Variants in SPATS2 observed in about 807,000 individuals in gnomAD.
SPATS2 encodes the protein spermatogenesis-associated serine-rich protein 2.
Under a neutral mutation model 63.7 loss-of-function variants are expected in SPATS2, and 38 were observed. The observed-to-expected ratio is 0.60, with a 90% CI of 0.46 to 0.78. The LOEUF (loss-of-function observed/expected upper bound fraction) is 0.78, where lower values mean the gene tolerates loss of function less well. SPATS2 is among the 30% of genes least tolerant of loss of function. The pLI is 0.00. For synonymous variants in SPATS2, 207 were observed against 232.9 expected (o/e 0.89, Z 1.01); for missense variants, 588 against 666.2 (o/e 0.88, Z 1.29).
chr12:49,410,923 C>CTGACACTTT (rs1944787301), intron 2 of SPATS2, among the ~76,000 whole-genome samples: 1 of 150,538 alleles, frequency 6.6e-6, no homozygotes, highest in African/African-American at 2.4e-5. Flanking sequence ...TAGTGTGTTC[C>CTGACACTTT]TGACACTTTT....
At chr12:49,405,821 A>G (rs927461104) in intron 2 of SPATS2, among the ~76,000 whole-genome samples, 17 of 152,236 alleles carry the variant, frequency 1.1e-4, no homozygotes, top group Admixed American at 1.0e-3. Flanking sequence ...ACTTTCGTGT[A>G]TATAATTTCA....
At chr12:49,499,336 T>A (rs1210909218) in intron 8 of SPATS2, among the ~76,000 whole-genome samples, 1 of 152,200 alleles carries the variant, frequency 6.6e-6, no homozygotes, top group African/African-American at 2.4e-5. Flanking sequence ...CCACTCTGGC[T>A]GGTGTGAGCA....
intron 2 of SPATS2, among the ~76,000 whole-genome samples, chr12:49,458,019 C>G (rs1462683209): frequency 6.6e-6 from 1 of 152,056 alleles, no homozygotes; most frequent in East Asian, 1.9e-4. Flanking sequence ...TTAAAACTTT[C>G]GCAGAATTAC....
At chr12:49,472,176 A>T (rs1044130123) in intron 3 of SPATS2, among the ~76,000 whole-genome samples, 1 of 152,090 alleles carries the variant, frequency 6.6e-6, no homozygotes, top group Non-Finnish European at 1.5e-5. Flanking sequence ...ATTATTGAAA[A>T]GTTTAAAATT....
rs1944627311 is a variant in SPATS2 at position 49,402,697 on chromosome 12, T to C, written c.-244+31407T>C. On this transcript the variant is annotated intron_variant, in intron 2 of 13. Transcript: ENST00000552918. Reference sequence around the variant, plus strand: ...TCTTCAAGGCTTAAGGCTTGAGAAGTGACCTAGGCATATCAGATGAATGTA... The same window carrying C: ...TCTTCAAGGCTTAAGGCTTGAGAAGCGACCTAGGCATATCAGATGAATGTA... 2.6e-5 allele frequency among the ~76,000 whole-genome samples: 4 copies of C among 152,068 alleles called. No homozygotes were observed. The South Asian group carries it at 8.3e-4, about 31-fold the overall frequency.
intron 2 of SPATS2, among the ~76,000 whole-genome samples, chr12:49,440,062 T>C (rs1945389487): frequency 6.6e-6 from 1 of 152,252 alleles, no homozygotes; most frequent in East Asian, 1.9e-4. Context: ...CTCTCTGATA[T>C]GCTTTCTTTA....
At chr12:49,520,510 A>G (rs1946923258) in intron 11 of SPATS2, among the ~76,000 whole-genome samples, 1 of 152,054 alleles carries the variant, frequency 6.6e-6, no homozygotes, top group South Asian at 2.1e-4. Flanking sequence ...CTTTATGTGC[A>G]TTGGTTACTT....
intron 8 of SPATS2, among the ~76,000 whole-genome samples, chr12:49,498,071 C>G (rs1415431021): frequency 1.4e-5 from 2 of 146,406 alleles, no homozygotes; most frequent in African/African-American, 5.1e-5. Context: ...TCCCCTTTTT[C>G]ATTGTTCTGG....
Position 49,500,093 on chromosome 12 carries a change from A to G in SPATS2, c.727A>G (p.Lys243Glu). 6.7e-7 allele frequency: 1 copy of G among 1,494,422 alleles called. No homozygotes were observed. The highest frequency in any genetic ancestry group is 8.9e-7 in the Non-Finnish European group (1 of 1,124,414). 92.6% of individuals were successfully genotyped at this position (1,494,422 alleles called of 1,614,324 possible). A position where few individuals can be genotyped will look rare whatever the true frequency, so the allele number is the denominator to read the frequency against. ...KLSSNIEKSV[K>E]DLQRCTVSLA... ...AGGTTCCAATATTGAAAAATCTGTA[A>G]AAGACCTCCAGCGCTGCACAGTGTC... The change falls in exon 9 of 14, where the codon AAA becomes GAA. Residue 243 changes from lysine (K) to glutamate (E), a missense_variant. Coordinates refer to ENST00000552918, the MANE Select transcript of SPATS2 (RefSeq NM_023071.4).
At chr12:49,469,628 C>T in intron 3 of SPATS2, 2 of 408,884 alleles carry the variant, frequency 4.9e-6, no homozygotes, top group South Asian at 1.8e-5. Context: ...CAGTGGCTCA[C>T]ATCTGTAATT....
intron 2 of SPATS2, among the ~76,000 whole-genome samples, chr12:49,428,017 A>G (rs898194395): frequency 6.6e-6 from 1 of 151,888 alleles, no homozygotes; most frequent in Admixed American, 6.6e-5. Context: ...GCACTTTGGG[A>G]GGCCGAGGTG....
In SPATS2 at chr12:49,489,549, A is replaced by C. The variant is rs915349706; in HGVS notation, c.190A>C (p.Lys64Gln). The change falls in exon 5 of 14, where the codon AAA (lysine) becomes CAA (glutamine). Residue 64 changes from lysine (K) to glutamine (Q), a missense_variant. Lys to Gln is a moderately conservative substitution (Grantham distance 53, BLOSUM62 1). Coordinates refer to ENST00000552918, the MANE Select transcript of SPATS2 (RefSeq NM_023071.4). The stretch of plus-strand genomic sequence containing the variant: ...GCAGCACTTTGATAACTGTGTGGAC[A>C]AAACAGTACAAGCATTCATGGAAGG... Reference protein sequence around the residue: ...VLQHFDNCVDKTVQAFMEGSA... With the variant: ...VLQHFDNCVDQTVQAFMEGSA... 21 of 1,613,502 alleles carry C rather than the reference A, an allele frequency of 1.3e-5. No homozygotes were observed. The highest frequency in any genetic ancestry group is 1.6e-5 in the Non-Finnish European group (19 of 1,179,718).
At position 49,500,069 on chromosome 12, in the gene SPATS2, G is replaced by T; in HGVS notation, c.704-1G>T. 1 of 1,441,300 alleles carries T rather than the reference G, an allele frequency of 6.9e-7. No individual in the cohort carries two copies. Among genetic ancestry groups the T allele is most frequent in the South Asian group, 1.7e-5 (1 of 58,952 alleles). 89.3% of individuals were successfully genotyped at this position (1,441,300 alleles called of 1,614,324 possible). A position where few individuals can be genotyped will look rare whatever the true frequency, so the allele number is the denominator to read the frequency against. On this transcript the variant is annotated splice_acceptor_variant, in intron 8 of 13. Transcript: ENST00000552918. LOFTEE classifies it high-confidence loss of function. ...TTAATATTTCGGTTTTTTTCCCCAA[G>T]GTTCCAATATTGAAAAATCTGTAAA...
chr12:49,449,533 A>G lies in SPATS2; in HGVS notation c.-243-11237A>G, dbSNP rs140227565. Among the ~76,000 whole-genome samples the G allele has an allele frequency of 5.4e-4, 82 of 152,208 alleles. No individual in the cohort carries two copies. In the South Asian group the frequency reaches 0.013, roughly 23 times the overall value. On this transcript the variant is annotated intron_variant, in intron 2 of 13. Transcript: ENST00000552918. Reference sequence around the variant, plus strand: ...CTGGCCCAGTCTGGGTTTTTAATCAATGTATTAGTCTGTTCCCACGCTGCA... The same window carrying G: ...CTGGCCCAGTCTGGGTTTTTAATCAGTGTATTAGTCTGTTCCCACGCTGCA...
chr12:49,496,403 A>T lies in SPATS2; in HGVS notation c.527-430A>T, dbSNP rs551383222. Among the ~76,000 whole-genome samples the T allele has an allele frequency of 2.6e-5, 4 of 152,186 alleles. No homozygotes were observed. The East Asian group carries it at 7.7e-4, about 29-fold the overall frequency. On this transcript the variant is annotated intron_variant, in intron 7 of 13. Coordinates refer to ENST00000552918, the MANE Select transcript of SPATS2 (RefSeq NM_023071.4). The stretch of plus-strand genomic sequence containing the variant: ...CCTGGGATTACTGGCGTGAGCCACT[A>T]TGCCTGGCCCCTAAAGCTTTTTAAA...
chr12:49,460,928 T>C lies in SPATS2; in HGVS notation c.-85T>C. 2 of 1,543,324 alleles carry C rather than the reference T, an allele frequency of 1.3e-6. No individual in the cohort carries two copies. Among genetic ancestry groups the C allele is most frequent in the East Asian group, 4.6e-5 (2 of 43,622 alleles). ...AACTGCACACTTCCGTTGCCCACTTTTAAATCAGAGATACCTACACTCAAA... is the reference window on the plus strand; with the variant it reads ...AACTGCACACTTCCGTTGCCCACTTCTAAATCAGAGATACCTACACTCAAA... On this transcript the variant is annotated 5_prime_UTR_variant, in exon 3 of 14. Transcript: ENST00000552918.
chr12:49,418,545 C>T (rs1944930273), intron 2 of SPATS2, among the ~76,000 whole-genome samples: 2 of 152,108 alleles, frequency 1.3e-5, no homozygotes. Flanking sequence ...GGTTATCCGC[C>T]TCCCTCAGCC....
Position 49,388,361 on chromosome 12 carries a change from CTTTT to C in SPATS2, c.-244+17078_-244+17081del, listed in dbSNP as rs894855701. ...ATTTATACTTGTTTTTTGAACCCTA[CTTTT>C]TTTTTTAAAAAATAATTTTTTTTCC... On this transcript the variant is annotated intron_variant, in intron 2 of 13. Coordinates refer to ENST00000552918, the MANE Select transcript of SPATS2 (RefSeq NM_023071.4). 6.8e-4 allele frequency among the ~76,000 whole-genome samples: 101 copies of C among 149,564 alleles called. 1 individual carries two copies. Among genetic ancestry groups the C allele is most frequent in the African/African-American group, 2.4e-3 (99 of 40,728 alleles).
At chr12:49,466,855 AGTGCACT>A (rs1945925189) in intron 3 of SPATS2, among the ~76,000 whole-genome samples, 1 of 152,116 alleles carries the variant, frequency 6.6e-6, no homozygotes, top group African/African-American at 2.4e-5. Flanking sequence ...TCTGATAGAG[AGTGCACT>A]GTATCAGTAG....
Sources: gnomAD v4.1 joint callset for allele counts (sites outside exome capture counted in the v4.1 genomes callset) on GRCh38, gnomAD v4.1.1 for gene constraint, MANE v1.5 for transcripts, NCBI Gene and HGNC (gene_info 2026-07-23, HGNC 2026-07-21) for gene names.